The following RBM19 variants were observed in gnomAD, a reference collection of about 807,000 sequenced individuals.
RBM19 encodes probable RNA-binding protein 19.
RBM19 carries 94 observed loss-of-function variants against 116.8 expected under a neutral mutation model. The ratio of observed to expected loss-of-function variants is 0.80; its 90% confidence interval spans 0.68 to 0.95. The LOEUF (loss-of-function observed/expected upper bound fraction) is 0.95, where lower values mean the gene tolerates loss of function less well. Among genes scored for constraint, RBM19 ranks in the 40% least tolerant of loss-of-function variants. The pLI, the probability that RBM19 is intolerant of heterozygous loss-of-function variation, is 0.00. For missense variants in RBM19, 1,161 were observed against 1,220.7 expected, an observed-to-expected ratio of 0.95 and a Z score of 0.73; for synonymous variants, 475 against 494.1, an observed-to-expected ratio of 0.96 and a Z score of 0.51.
chr12:113,817,462 G>A (rs1874118575), downstream of RBM19: 1 of 152,338 alleles, frequency 6.6e-6, no homozygotes, highest in Non-Finnish European at 1.5e-5. Flanking sequence ...CTGCAGAGTG[G>A]GCCCGGCTAT....
chr12:113,944,811 A>ATATATACATGT (rs149686731), intron 13 of RBM19, among the ~76,000 whole-genome samples: 12,379 of 151,332 alleles, frequency 0.082, 640 homozygotes, highest in East Asian at 0.17. Context: ...AAAAAAAATT[A>ATATATACATGT]TATATACATG....
At chr12:113,867,304 G>A (rs767556407) in intron 21 of RBM19, among the ~76,000 whole-genome samples, 2 of 152,216 alleles carry the variant, frequency 1.3e-5, no homozygotes, top group South Asian at 4.1e-4. Flanking sequence ...ACAATTTGAA[G>A]CTTGGTAGGA....
chr12:113,891,491 T>G (rs1880959458), intron 21 of RBM19, among the ~76,000 whole-genome samples: 1 of 152,156 alleles, frequency 6.6e-6, no homozygotes, highest in Non-Finnish European at 1.5e-5. Flanking sequence ...CCAGGGTTGG[T>G]TTGGACCTGG....
intron 21 of RBM19, among the ~76,000 whole-genome samples, chr12:113,865,975 A>G (rs1878776199): frequency 6.6e-6 from 1 of 152,188 alleles, no homozygotes; most frequent in African/African-American, 2.4e-5. Flanking sequence ...GCAGACACAA[A>G]TAAGGAGTTT....
intron 6 of RBM19, 145 bp from the exon 7 acceptor site, chr12:113,955,356 C>G: frequency 1.3e-6 from 1 of 778,682 alleles, no homozygotes; most frequent in South Asian, 1.6e-5. Flanking sequence ...CAATGTCCAC[C>G]GTGTATGGAG....
At chr12:113,879,431 T>TTG (rs1555234780) in intron 21 of RBM19, among the ~76,000 whole-genome samples, 4 of 132,662 alleles carry the variant, frequency 3.0e-5, no homozygotes, top group Non-Finnish European at 3.2e-5. Flanking sequence ...TACATACATT[T>TTG]TATATATATA....
intron 23 of RBM19, among the ~76,000 whole-genome samples, chr12:113,827,855 C>G (rs979961737): frequency 6.6e-6 from 1 of 151,940 alleles, no homozygotes; most frequent in African/African-American, 2.4e-5. Flanking sequence ...CCTCTCTGGG[C>G]TCCTCTCAGT....
At chr12:113,873,635 T>C (rs1879452065) in intron 21 of RBM19, among the ~76,000 whole-genome samples, 1 of 126,240 alleles carries the variant, frequency 7.9e-6, no homozygotes, top group Non-Finnish European at 1.6e-5. Context: ...CCCATGACCC[T>C]GCCAAATCCC....
rs140680604 is a variant in RBM19 at position 113,903,077 on chromosome 12, T to C, written c.2558+11892A>G. On this transcript the variant is annotated intron_variant, in intron 21 of 23. Transcript: ENST00000261741. The surrounding 1 kb of genome is among the most constrained non-coding windows in gnomAD (Gnocchi z 5.1). ...ACTCCCAACCTACCTTCCCCTTCCC[T>C]AAGCAACTGTGAATCTACTTTCAGT... Among the ~76,000 whole-genome samples the C allele has an allele frequency of 6.6e-6, 1 of 152,314 alleles. No homozygotes were observed. Among genetic ancestry groups the C allele is most frequent in the Non-Finnish European group, 1.5e-5 (1 of 68,036 alleles).
At chr12:113,826,238 G>T (rs887455805) in intron 23 of RBM19, among the ~76,000 whole-genome samples, 1 of 152,206 alleles carries the variant, frequency 6.6e-6, no homozygotes, top group Non-Finnish European at 1.5e-5. Context: ...CCCACAGCAT[G>T]TCTCCCGGTC....
chr12:113,902,408 G>A (rs1881753556), intron 21 of RBM19, among the ~76,000 whole-genome samples: 1 of 152,022 alleles, frequency 6.6e-6, no homozygotes, highest in Non-Finnish European at 1.5e-5. Flanking sequence ...AGACCAGCCT[G>A]GGCAACATAG....
intron 21 of RBM19, among the ~76,000 whole-genome samples, chr12:113,912,900 G>C (rs371610099): frequency 6.6e-6 from 1 of 152,266 alleles, no homozygotes; most frequent in South Asian, 2.1e-4. Context: ...CCTGCTGTCT[G>C]CAACGAGGAA....
At chr12:113,952,482 C>A in intron 8 of RBM19, 30 bp downstream of exon 8, 5 of 1,588,594 alleles carry the variant, frequency 3.1e-6, no homozygotes, top group Non-Finnish European at 4.3e-6. Flanking sequence ...GTCTACCCGC[C>A]TTCCCACCTG....
At chr12:113,884,917 A>G (rs957374080) in intron 21 of RBM19, among the ~76,000 whole-genome samples, 7 of 17,470 alleles carry the variant, frequency 4.0e-4, no homozygotes, top group Non-Finnish European at 7.6e-4. Context: ...CCCCACACTG[A>G]TAAAAAAATA....
Position 113,898,710 on chromosome 12 carries a change from T to C in RBM19, c.2558+16259A>G, listed in dbSNP as rs148212014. On this transcript the variant is annotated intron_variant, in intron 21 of 23. Coordinates refer to ENST00000261741, the MANE Select transcript of RBM19 (RefSeq NM_016196.4). This position sits in a 1 kb window ranked among gnomAD's most constrained non-coding sequence, Gnocchi z 4.3. ...CTCATCCTGCACAAGCACTTACTTA[T>C]GCAAACAGGCATTCTCTGCATTAGT... 3.5e-4 allele frequency among the ~76,000 whole-genome samples: 53 copies of C among 152,354 alleles called. No individual in the cohort carries two copies. Among genetic ancestry groups the C allele is most frequent in the African/African-American group, 1.1e-3 (46 of 41,584 alleles).
At chr12:113,895,638 G>C (rs1881269024) in intron 21 of RBM19, among the ~76,000 whole-genome samples, 1 of 152,172 alleles carries the variant, frequency 6.6e-6, no homozygotes. Context: ...AGATCTAGAA[G>C]GAGATTCGCA....
At chr12:113,917,176 A>C (rs1247364161) in intron 20 of RBM19, among the ~76,000 whole-genome samples, 1 of 152,192 alleles carries the variant, frequency 6.6e-6, no homozygotes, top group African/African-American at 2.4e-5. Flanking sequence ...TTCTTGAGTA[A>C]AACAATGGTT....
chr12:113,917,774 C>T (rs1001484017), intron 20 of RBM19, among the ~76,000 whole-genome samples: 12 of 152,258 alleles, frequency 7.9e-5, no homozygotes, highest in Middle Eastern at 3.4e-3. Flanking sequence ...TGTTATGTGC[C>T]GGACACTGTT....
intron 18 of RBM19, 56 bp from the exon 19 acceptor site, chr12:113,920,746 G>A: frequency 6.6e-7 from 1 of 1,510,564 alleles, no homozygotes; most frequent in Non-Finnish European, 9.2e-7. Flanking sequence ...ACAAGGCCAA[G>A]TGCAAGGGCT....
Sources: gnomAD v4.1 joint callset for allele counts (sites outside exome capture counted in the v4.1 genomes callset) on GRCh38, gnomAD v4.1.1 for gene constraint, Gnocchi (gnomAD v3.1) non-coding constraint, MANE v1.5 for transcripts, NCBI Gene and HGNC (gene_info 2026-07-23, HGNC 2026-07-21) for gene names.